The following PCSK2 variants were observed in gnomAD, a reference collection of about 807,000 sequenced individuals.
The protein encoded by PCSK2 is proprotein convertase subtilisin/kexin type 2.
Under a neutral mutation model 69.7 loss-of-function variants are expected in PCSK2, and 14 were observed. The observed-to-expected ratio is 0.20, with a 90% confidence interval of 0.13 to 0.31. PCSK2 has a LOEUF of 0.31. Ranked by LOEUF, PCSK2 falls within the 10% of genes least tolerant of loss-of-function variation. The probability of loss-of-function intolerance (pLI) is 1.00; values close to 1 mark genes in which losing one functional copy is unlikely to be tolerated. For synonymous variants in PCSK2, 307 were observed against 320.7 expected, an observed-to-expected ratio of 0.96 and a Z score of 0.46; for missense variants, 544 against 842.5, an observed-to-expected ratio of 0.65 and a Z score of 4.39.
At chr20:17,389,519 T>C (rs937006783) in intron 5 of PCSK2, among the ~76,000 whole-genome samples, 8 of 152,104 alleles carry the variant, frequency 5.3e-5, no homozygotes, top group African/African-American at 1.9e-4. Flanking sequence ...CTTTGGTTCA[T>C]GGAAAGGGTG....
chr20:17,415,852 G>A (rs2031987558), intron 6 of PCSK2, among the ~76,000 whole-genome samples: 1 of 149,004 alleles, frequency 6.7e-6, no homozygotes, highest in South Asian at 2.1e-4. Context: ...ACAGAACAGA[G>A]GCCTCAGAAA....
intron 2 of PCSK2, among the ~76,000 whole-genome samples, chr20:17,269,862 C>T (rs1008324467): frequency 2.0e-5 from 3 of 151,594 alleles, no homozygotes; most frequent in Non-Finnish European, 1.5e-5. Context: ...GACTGTAAAC[C>T]AAAAAGAAAA....
intron 2 of PCSK2, among the ~76,000 whole-genome samples, chr20:17,284,200 T>C (rs116314827): frequency 0.013 from 2,038 of 152,212 alleles, 43 homozygotes; most frequent in African/African-American, 0.046. Context: ...TCCCACTAAA[T>C]GGAGAGATGG....
chr20:17,276,271 C>A (rs1489259474), intron 2 of PCSK2, among the ~76,000 whole-genome samples: 2 of 152,024 alleles, frequency 1.3e-5, no homozygotes, highest in Admixed American at 6.6e-5. Flanking sequence ...CATTTTGCTC[C>A]AGCTTTCTCA....
At chr20:17,429,020 A>G (rs1376842115) in intron 6 of PCSK2, among the ~76,000 whole-genome samples, 32 of 149,170 alleles carry the variant, frequency 2.1e-4, no homozygotes, top group African/African-American at 7.3e-4. Context: ...AAAAAAAAAA[A>G]AAAAAAAAAG....
In PCSK2 at chr20:17,482,808, C is replaced by T. The variant is rs183950438; in HGVS notation, c.*738C>T. On this transcript the variant is annotated 3_prime_UTR_variant, in exon 12 of 12. Transcript: ENST00000262545. ...TGCTGCTCTGAGTTATGTTAAAATC[C>T]GCTAGAGCAGCCCAAATTTTTCTCA... 296 of 152,556 alleles carry T rather than the reference C, an allele frequency of 1.9e-3. 2 individuals are homozygous for T. The highest frequency in any genetic ancestry group is 6.5e-3 in the African/African-American group (268 of 41,542). The allele number at this position is 152,556 out of a possible 1,614,324, so 9.5% of individuals were successfully genotyped here. A position where few individuals can be genotyped will look rare whatever the true frequency, so the allele number is the denominator to read the frequency against.
chr20:17,416,577 G>GCATTAGGAGAAATACC (rs1480355720), intron 6 of PCSK2, among the ~76,000 whole-genome samples: 5 of 152,134 alleles, frequency 3.3e-5, no homozygotes, highest in South Asian at 2.1e-4. Flanking sequence ...GTTGGTGGGA[G>GCATTAGGAGAAATACC]TGTAAATTGG....
At chr20:17,439,217 C>T (rs2032549127) in intron 8 of PCSK2, among the ~76,000 whole-genome samples, 1 of 152,084 alleles carries the variant, frequency 6.6e-6, no homozygotes, top group Non-Finnish European at 1.5e-5. Flanking sequence ...CTCACTGCAG[C>T]CTCAACCTCC....
intron 1 of PCSK2, among the ~76,000 whole-genome samples, chr20:17,246,900 TA>T (rs1471965812): frequency 1.3e-5 from 2 of 152,178 alleles, no homozygotes; most frequent in African/African-American, 2.4e-5. Context: ...AATTAAGAAA[TA>T]AAATCACTCT....
intron 2 of PCSK2, among the ~76,000 whole-genome samples, chr20:17,315,584 C>G (rs114584748): frequency 0.01 from 1,544 of 152,284 alleles, 27 homozygotes; most frequent in African/African-American, 0.034. Flanking sequence ...CGGGCAGGGG[C>G]GGAGCTGAGG....
Position 17,227,294 on chromosome 20 carries a change from T to C in PCSK2, c.-12T>C, listed in dbSNP as rs747289778. The C allele has an allele frequency of 6.2e-7, 1 of 1,612,280 alleles. No individual in the cohort carries two copies. Among genetic ancestry groups the C allele is most frequent in the Non-Finnish European group, 8.5e-7 (1 of 1,179,158 alleles). ...CGCGCCTCCTAGCACCACTTTTCAC[T>C]CCCAAAGAAGGATGAAGGGTGGTTG... On this transcript the variant is annotated 5_prime_UTR_variant, in exon 1 of 12. Coordinates refer to ENST00000262545, the MANE Select transcript of PCSK2 (RefSeq NM_002594.5).
At chr20:17,462,875 A>T (rs1350371710) in intron 10 of PCSK2, among the ~76,000 whole-genome samples, 1 of 152,190 alleles carries the variant, frequency 6.6e-6, no homozygotes, top group Non-Finnish European at 1.5e-5. Flanking sequence ...AATAACTATC[A>T]CCTGTAATTC....
chr20:17,335,741 C>T (rs1990331667), intron 2 of PCSK2, among the ~76,000 whole-genome samples: 1 of 151,616 alleles, frequency 6.6e-6, no homozygotes, highest in African/African-American at 2.4e-5. Context: ...TGAGAACATA[C>T]GATGTTTGAT....
At chr20:17,473,806 C>G (rs1330825792) in intron 11 of PCSK2, among the ~76,000 whole-genome samples, 1 of 152,194 alleles carries the variant, frequency 6.6e-6, no homozygotes, top group African/African-American at 2.4e-5. Flanking sequence ...CTGGAATTCA[C>G]AGCATGCTTT....
intron 7 of PCSK2, among the ~76,000 whole-genome samples, chr20:17,436,250 G>A (rs1298727997): frequency 6.6e-6 from 1 of 151,772 alleles, no homozygotes; most frequent in Non-Finnish European, 1.5e-5. Context: ...CCCTCTCTCT[G>A]TCCCCTGCCC....
In PCSK2 at chr20:17,468,579, C is replaced by T. The variant is rs560611689; in HGVS notation, c.1430+3026C>T. Among the ~76,000 whole-genome samples, 151 of 151,174 alleles carry T rather than the reference C, an allele frequency of 1.0e-3. 1 individual carries two copies. The highest frequency in any genetic ancestry group is 3.5e-3 in the African/African-American group (144 of 41,112). On this transcript the variant is annotated intron_variant, in intron 11 of 11. Transcript: ENST00000262545. ...CCACAGGCCAGCGTCCTGCTGTAGA[C>T]GGGCAGCCTACCATAGGTCAGCTCC... is the stretch of plus-strand genomic sequence containing the variant.
At chr20:17,389,160 G>A (rs978418017) in intron 5 of PCSK2, among the ~76,000 whole-genome samples, 10 of 149,748 alleles carry the variant, frequency 6.7e-5, no homozygotes, top group Admixed American at 1.3e-4. Flanking sequence ...CTACATTACC[G>A]CCATAAATGG....
chr20:17,425,536 G>A lies in PCSK2; in HGVS notation c.621-3899G>A, dbSNP rs190528694. On this transcript the variant is annotated intron_variant, in intron 6 of 11. Coordinates refer to ENST00000262545, the MANE Select transcript of PCSK2 (RefSeq NM_002594.5). ...ATTTATCCTTCCAAAACAGTTTATC[G>A]AGTAGGATCTAATAAAATTATAGGA... Among the ~76,000 whole-genome samples the A allele has an allele frequency of 2.8e-3, 431 of 152,188 alleles. 1 individual carries two copies. Among genetic ancestry groups the A allele is most frequent in the African/African-American group, 9.5e-3 (396 of 41,510 alleles).
At chr20:17,302,035 C>T (rs1049493767) in intron 2 of PCSK2, among the ~76,000 whole-genome samples, 1 of 151,998 alleles carries the variant, frequency 6.6e-6, no homozygotes, top group Non-Finnish European at 1.5e-5. Flanking sequence ...CCCAGAAATA[C>T]CAATGTTTAG....
Sources: allele counts gnomAD v4.1 joint callset (sites outside exome capture counted in the v4.1 genomes callset), GRCh38; gene constraint gnomAD v4.1.1; transcripts MANE v1.5; gene names NCBI Gene and HGNC (gene_info 2026-07-23, HGNC 2026-07-21).